The following EMID1 variants were observed in gnomAD, a reference collection of about 807,000 sequenced individuals.
The protein encoded by EMID1 is EMI domain-containing protein 1.
In EMID1, 40 loss-of-function variants were observed where a neutral mutation model predicts 60.6. The observed-to-expected ratio is 0.66, with a 90% CI of 0.51 to 0.86. The LOEUF (loss-of-function observed/expected upper bound fraction) is 0.86. EMID1 is among the 40% of genes least tolerant of loss of function. The pLI is 0.00. For missense variants in EMID1, 585 were observed against 597.1 expected (o/e 0.98, Z 0.21); for synonymous variants, 242 against 231.0 (o/e 1.05, Z -0.43).
At chr22:29,235,780 CTTTTTTTTTT>C (rs56085732) in intron 12 of EMID1, among the ~76,000 whole-genome samples, 1 of 73,866 alleles carries the variant, frequency 1.4e-5, no homozygotes, top group Non-Finnish European at 2.5e-5. Context: ...AGAATTTAAG[CTTTTTTTTTT>C]TTTTTTTTTT....
rs201785515 is a variant in EMID1 at position 29,232,294 on chromosome 22, G to C, written c.715G>C (p.Ala239Pro). 1.2e-6 allele frequency: 2 copies of C among 1,611,478 alleles called. No individual in the cohort carries two copies. Among genetic ancestry groups the C allele is most frequent in the East Asian group, 4.5e-5 (2 of 44,864 alleles). ...GPPGSPGRAG[A>P]VGTPGERGPP... ...CCCAGGGAGCCCTGGCCGGGCTGGA[G>C]CTGTGGGCACCCCTGGAGAGAGGGG... Residue 239 changes from alanine (A) to proline (P), a missense_variant, in exon 8 of 15, where the codon GCT (alanine) becomes CCT (proline). Transcript: ENST00000334018.
intron 12 of EMID1, among the ~76,000 whole-genome samples, chr22:29,240,852 A>T (rs111277469): frequency 0.015 from 2,290 of 152,104 alleles, 58 homozygotes; most frequent in African/African-American, 0.053. Context: ...GTCTTTTCTC[A>T]TTCCTTTGAC....
At chr22:29,220,319 G>C (rs908795453) in intron 3 of EMID1, among the ~76,000 whole-genome samples, 9 of 152,202 alleles carry the variant, frequency 5.9e-5, no homozygotes, top group African/African-American at 1.9e-4. Context: ...CACAGGAATT[G>C]AATAGGAACT....
intron 3 of EMID1, among the ~76,000 whole-genome samples, chr22:29,217,605 C>T (rs924097078): frequency 2.6e-5 from 4 of 152,216 alleles, no homozygotes; most frequent in African/African-American, 4.8e-5. Flanking sequence ...AGCCCCGGCT[C>T]GTCCACATTC....
intron 1 of EMID1, among the ~76,000 whole-genome samples, chr22:29,210,626 G>C (rs2039848078): frequency 6.6e-6 from 1 of 152,050 alleles, no homozygotes; most frequent in South Asian, 2.1e-4. Flanking sequence ...TCAAACTCCT[G>C]AGCTGAAACG....
intron 1 of EMID1, among the ~76,000 whole-genome samples, chr22:29,211,232 G>A (rs976019146): frequency 6.6e-6 from 1 of 152,228 alleles, no homozygotes; most frequent in Admixed American, 6.5e-5. Flanking sequence ...GTGTGTGTAT[G>A]TGAATGTGTG....
At chr22:29,207,240 G>A (rs553301292) in intron 1 of EMID1, among the ~76,000 whole-genome samples, 1 of 152,374 alleles carries the variant, frequency 6.6e-6, no homozygotes, top group East Asian at 1.9e-4. Flanking sequence ...CAGAAGAGCA[G>A]TTGTCTGAGA....
At chr22:29,231,801 C>A in intron 7 of EMID1, 119 bp downstream of exon 7, 1 of 1,000,066 alleles carries the variant, frequency 1.0e-6, no homozygotes, top group Non-Finnish European at 1.4e-6. Flanking sequence ...TGCCTCTTCA[C>A]TCAGCACCCC....
At chr22:29,249,587 ATTATTTATTTATTTAT>A (rs140494856) in intron 13 of EMID1, among the ~76,000 whole-genome samples, 19 of 139,568 alleles carry the variant, frequency 1.4e-4, no homozygotes, top group East Asian at 2.1e-4. Context: ...AAATACCTTT[ATTATTTATTTATTTAT>A]TTATTTATTT....
chr22:29,231,578 T>C lies in EMID1; in HGVS notation c.587-15T>C, dbSNP rs200595514. 3.2e-5 allele frequency: 49 copies of C among 1,548,506 alleles called. No individual in the cohort carries two copies. In the African/African-American group the frequency reaches 6.3e-4, roughly 20 times the overall value. Reference sequence around the variant, plus strand: ...CAGATGTGGAGCTGCCAGTCTGATATGCTTTACCCCCCAGACCAAGTCGGT... The same window carrying C: ...CAGATGTGGAGCTGCCAGTCTGATACGCTTTACCCCCCAGACCAAGTCGGT... On this transcript the variant is annotated splice_polypyrimidine_tract_variant and intron_variant, in intron 6 of 14. Coordinates refer to ENST00000334018, the MANE Select transcript of EMID1 (RefSeq NM_133455.4).
intron 3 of EMID1, among the ~76,000 whole-genome samples, chr22:29,216,107 C>A (rs1196615738): frequency 6.6e-6 from 1 of 152,182 alleles, no homozygotes; most frequent in Non-Finnish European, 1.5e-5. Flanking sequence ...TCCCCGCCCC[C>A]CCACCCCTGG....
chr22:29,258,734 G>C, intron 14 of EMID1, 83 bp from the exon 15 acceptor site: 1 of 1,541,716 alleles, frequency 6.5e-7, no homozygotes, highest in Non-Finnish European at 8.7e-7. Context: ...GCCCGGTTCT[G>C]CCACCCCCTA....
chr22:29,238,568 C>T lies in EMID1; in HGVS notation c.1074+4219C>T, dbSNP rs991582716. 2.8e-5 allele frequency among the ~76,000 whole-genome samples: 4 copies of T among 143,158 alleles called. 1 individual carries two copies. In the South Asian group the frequency reaches 9.1e-4, roughly 32 times the overall value. 93.9% of individuals were successfully genotyped at this position (143,158 alleles called of 152,430 possible). ...AAATAGCTGGGATTACAGGCACCTG[C>T]CATCACGCCCGGCTAATTTTTTGTA... On this transcript the variant is annotated intron_variant, in intron 12 of 14. Transcript: ENST00000334018.
intron 3 of EMID1, chr22:29,216,512 C>T (rs1380286434): frequency 3.0e-6 from 3 of 985,344 alleles, no homozygotes; most frequent in Admixed American, 6.1e-5. Flanking sequence ...TTCAGGGCCC[C>T]CACAGCAGCA....
chr22:29,243,536 C>T, intron 13 of EMID1, 47 bp downstream of exon 13: 2 of 1,610,312 alleles, frequency 1.2e-6, no homozygotes, highest in Non-Finnish European at 1.7e-6. Flanking sequence ...CTCAGCCCTA[C>T]ATGCTCAAGA....
chr22:29,217,086 G>A (rs909316891), intron 3 of EMID1, among the ~76,000 whole-genome samples: 3 of 152,188 alleles, frequency 2.0e-5, no homozygotes, highest in Admixed American at 6.5e-5. Flanking sequence ...GGGGAGGGCC[G>A]AATCCCCAGG....
chr22:29,254,576 A>G, intron 14 of EMID1: 1 of 343,936 alleles, frequency 2.9e-6, no homozygotes, highest in South Asian at 3.5e-5. Flanking sequence ...ACCAGAGATG[A>G]AAGATTTTAA....
intron 14 of EMID1, chr22:29,255,269 A>G: frequency 2.0e-6 from 3 of 1,467,512 alleles, no homozygotes; most frequent in East Asian, 2.7e-5. Context: ...ATCTCCCATC[A>G]GGCTCCTAGC....
rs1455329199 is a variant in EMID1, at chr22:29,222,123, T to A, written c.320-3010T>A. Among the ~76,000 whole-genome samples, 3 of 152,302 alleles carry A rather than the reference T, an allele frequency of 2.0e-5. No homozygotes were observed. In the South Asian group the frequency reaches 6.2e-4, roughly 32 times the overall value. ...TTTATGCTGATTTTATTATTTTTTT[T>A]AGATAGGGTCTCACTCTTTCAGTGC... On this transcript the variant is annotated intron_variant, in intron 3 of 14. Coordinates refer to ENST00000334018, the MANE Select transcript of EMID1 (RefSeq NM_133455.4).
Sources: allele counts gnomAD v4.1 joint callset (sites outside exome capture counted in the v4.1 genomes callset), GRCh38; gene constraint gnomAD v4.1.1; transcripts MANE v1.5; gene names NCBI Gene and HGNC (gene_info 2026-07-23, HGNC 2026-07-21).